The following ST3GAL1 variants were observed in gnomAD, a reference collection of about 807,000 sequenced individuals.
The protein encoded by ST3GAL1 is ST3 beta-galactoside alpha-2,3-sialyltransferase 1, also known as CMP-N-acetylneuraminate-beta-galactosamide-alpha-2,3-sialyltransferase 1.
A neutral mutation model predicts 34.1 loss-of-function variants in ST3GAL1; 16 were observed. That is an observed-to-expected ratio of 0.47 (90% CI 0.32 to 0.71). The LOEUF (loss-of-function observed/expected upper bound fraction) is 0.71, where lower values mean the gene tolerates loss of function less well. Among genes scored for constraint, ST3GAL1 ranks in the 30% least tolerant of loss-of-function variants. The pLI is 0.04. For missense variants in ST3GAL1, 353 were observed against 447.4 expected (o/e 0.79, Z 1.90); for synonymous variants, 191 against 184.7 (o/e 1.03, Z -0.28).
intron 2 of ST3GAL1, among the ~76,000 whole-genome samples, chr8:133,509,515 G>A (rs984733686): frequency 3.9e-5 from 6 of 152,238 alleles, no homozygotes; most frequent in Non-Finnish European, 5.9e-5. Flanking sequence ...ATGACAGGGC[G>A]TGGGGCACCA....
At position 133,481,268 on chromosome 8, in the gene ST3GAL1, T is replaced by G. The variant is rs191479681; in HGVS notation, c.-373-4668A>C. 4.1e-3 allele frequency among the ~76,000 whole-genome samples: 626 copies of G among 152,312 alleles called. 4 individuals are homozygous for G. The highest frequency in any genetic ancestry group is 0.014 in the African/African-American group (591 of 41,574). ...AAGTGGCACATTACTTTGTTCTAACTGCAGCTGTGTTTCACTTTTCATGAA... is the reference window on the plus strand; with the variant it reads ...AAGTGGCACATTACTTTGTTCTAACGGCAGCTGTGTTTCACTTTTCATGAA... On this transcript the variant is annotated intron_variant, in intron 3 of 9. Transcript: ENST00000522652.
At chr8:133,559,922 C>T (rs1259604816) in intron 1 of ST3GAL1, among the ~76,000 whole-genome samples, 1 of 152,032 alleles carries the variant, frequency 6.6e-6, no homozygotes, top group Non-Finnish European at 1.5e-5. Flanking sequence ...TGGGGCTCTT[C>T]GAATTCAATT....
At chr8:133,494,866 T>C (rs1382157531) in intron 3 of ST3GAL1, among the ~76,000 whole-genome samples, 1 of 151,648 alleles carries the variant, frequency 6.6e-6, no homozygotes, top group Non-Finnish European at 1.5e-5. Flanking sequence ...TTGCAGCAAC[T>C]GTCCCTGAAC....
At chr8:133,547,642 C>A (rs571284674) in intron 1 of ST3GAL1, among the ~76,000 whole-genome samples, 21 of 152,296 alleles carry the variant, frequency 1.4e-4, no homozygotes, top group Middle Eastern at 3.4e-3. Flanking sequence ...TGGGCCAGCA[C>A]AGGCAATCAG....
chr8:133,505,319 T>A (rs953404223), intron 2 of ST3GAL1, among the ~76,000 whole-genome samples: 11 of 152,088 alleles, frequency 7.2e-5, no homozygotes, highest in Non-Finnish European at 1.2e-4. Flanking sequence ...AGAGAGAAGT[T>A]GAGTAGGTTC....
At chr8:133,498,057 G>A (rs1354374673) in intron 3 of ST3GAL1, among the ~76,000 whole-genome samples, 2 of 152,206 alleles carry the variant, frequency 1.3e-5, no homozygotes, top group Non-Finnish European at 2.9e-5. Flanking sequence ...GCCTTCCTTG[G>A]AGAAGCCTTC....
chr8:133,549,038 G>A (rs1271788871), intron 1 of ST3GAL1, among the ~76,000 whole-genome samples: 2 of 152,186 alleles, frequency 1.3e-5, no homozygotes, highest in Non-Finnish European at 2.9e-5. Context: ...GAGAATCCTT[G>A]TAATATAAAA....
chr8:133,485,628 A>G (rs1816556617), intron 3 of ST3GAL1, among the ~76,000 whole-genome samples: 1 of 152,192 alleles, frequency 6.6e-6, no homozygotes, highest in Non-Finnish European at 1.5e-5. Context: ...CACCAGGGCT[A>G]AAGAAAACCA....
chr8:133,470,614 G>A (rs544720076), intron 5 of ST3GAL1, among the ~76,000 whole-genome samples: 1 of 152,274 alleles, frequency 6.6e-6, no homozygotes, highest in East Asian at 1.9e-4. Context: ...ACGGGGCCTC[G>A]GGTCAGCTTC....
chr8:133,492,057 C>T (rs1156389215), intron 3 of ST3GAL1, among the ~76,000 whole-genome samples: 1 of 152,130 alleles, frequency 6.6e-6, no homozygotes, highest in Non-Finnish European at 1.5e-5. Context: ...AGGGCATGCT[C>T]AGAGCAGCTG....
rs562105536 is a variant in ST3GAL1 at position 133,459,324 on chromosome 8, G to A, written c.*440C>T. 5.1e-3 allele frequency: 790 copies of A among 154,948 alleles called. 2 individuals are homozygous for A. The highest frequency in any genetic ancestry group is 8.7e-3 in the Non-Finnish European group (610 of 69,962). 9.6% of individuals were successfully genotyped at this position (154,948 alleles called of 1,614,324 possible). On this transcript the variant is annotated 3_prime_UTR_variant, in exon 10 of 10. Coordinates refer to ENST00000522652, the MANE Select transcript of ST3GAL1 (RefSeq NM_173344.3). This position sits in a 1 kb window ranked among gnomAD's most constrained non-coding sequence, Gnocchi z 4.7. ...GCAAAGAAGGGCAGCATCTCGCCCC[G>A]AGCGCCAACACCGCCTGGCACGTCT...
chr8:133,515,157 C>T (rs997215073), intron 2 of ST3GAL1, among the ~76,000 whole-genome samples: 2 of 152,230 alleles, frequency 1.3e-5, no homozygotes, highest in African/African-American at 2.4e-5. Flanking sequence ...CCTCCGAGGA[C>T]GAGGTCCTCA....
intron 2 of ST3GAL1, among the ~76,000 whole-genome samples, chr8:133,541,453 AGC>A (rs1436401203): frequency 1.3e-5 from 2 of 152,096 alleles, no homozygotes; most frequent in Non-Finnish European, 1.5e-5. Context: ...AGGACAGGAC[AGC>A]AGTCCTGCAT....
chr8:133,501,343 C>T (rs1817147097), intron 2 of ST3GAL1, among the ~76,000 whole-genome samples: 1 of 152,184 alleles, frequency 6.6e-6, no homozygotes, highest in African/African-American at 2.4e-5. Flanking sequence ...TCCAGCCCAG[C>T]CCTATCCGGC....
At chr8:133,549,778 C>T (rs949898237) in intron 1 of ST3GAL1, among the ~76,000 whole-genome samples, 2 of 152,060 alleles carry the variant, frequency 1.3e-5, no homozygotes, top group Non-Finnish European at 1.5e-5. Context: ...ACCTGACCAA[C>T]GTGGAGAAAC....
At chr8:133,541,703 G>A (rs539136604) in intron 2 of ST3GAL1, among the ~76,000 whole-genome samples, 7 of 152,262 alleles carry the variant, frequency 4.6e-5, no homozygotes, top group African/African-American at 9.6e-5. Flanking sequence ...ATCAAAAGCC[G>A]AGGGACAAAC....
chr8:133,490,632 A>C (rs917671801), intron 3 of ST3GAL1, among the ~76,000 whole-genome samples: 1 of 152,198 alleles, frequency 6.6e-6, no homozygotes, highest in Non-Finnish European at 1.5e-5. Context: ...GCCTGTGCCC[A>C]AAAAAGCACA....
chr8:133,508,387 G>A lies in ST3GAL1; in HGVS notation c.-428-9198C>T, dbSNP rs189921036. 1.8e-4 allele frequency among the ~76,000 whole-genome samples: 27 copies of A among 152,248 alleles called. No individual in the cohort carries two copies. The highest frequency in any genetic ancestry group is 1.3e-3 in the Admixed American group (20 of 15,304). On this transcript the variant is annotated intron_variant, in intron 2 of 9. Transcript: ENST00000522652. This position sits in a 1 kb window ranked among gnomAD's most constrained non-coding sequence, Gnocchi z 4.1. ...TACAGTTTGTGCTCTGGGGTTGGCC[G>A]TGGGATCAGGCTGAAGGTTGACTCT...
chr8:133,461,905 C>T lies in ST3GAL1; in HGVS notation c.819G>A (p.Ser273=), dbSNP rs1048479. The T allele has an allele frequency of 0.5, 798,802 of 1,613,692 alleles. 200,098 individuals carry two copies. Among genetic ancestry groups the T allele is most frequent in the Admixed American group, 0.66 (39,409 of 59,990 alleles). Residue 273 remains serine (S), a synonymous_variant, in exon 9 of 10, where the codon TCG becomes TCA. Transcript: ENST00000522652. This position sits in a 1 kb window ranked among gnomAD's most constrained non-coding sequence, Gnocchi z 4.7. ...HGRYPSTGIL[S]VIFSMHVCDE... Reference sequence around the variant, plus strand: ...CGCAGACATGCATTGAGAAGATGACCGAGAGGATGCCGGTAGATGGGTATC... The same window carrying T: ...CGCAGACATGCATTGAGAAGATGACTGAGAGGATGCCGGTAGATGGGTATC...
Sources: gnomAD v4.1 joint callset for allele counts (sites outside exome capture counted in the v4.1 genomes callset) on GRCh38, gnomAD v4.1.1 for gene constraint, Gnocchi (gnomAD v3.1) non-coding constraint, MANE v1.5 for transcripts, NCBI Gene and HGNC (gene_info 2026-07-23, HGNC 2026-07-21) for gene names.